The following PDE2A variants were observed in gnomAD, a reference collection of about 807,000 sequenced individuals.
The protein encoded by PDE2A is phosphodiesterase 2A.
PDE2A carries 53 observed loss-of-function variants against 133.6 expected under a neutral mutation model. The observed-to-expected ratio is 0.40, with a 90% confidence interval of 0.32 to 0.50. PDE2A has a LOEUF of 0.50. Ranked by LOEUF, PDE2A falls within the 20% of genes least tolerant of loss-of-function variation. PDE2A has a pLI of 0.73. For synonymous variants in PDE2A, 491 were observed against 490.2 expected, an observed-to-expected ratio of 1.00 and a Z score of -0.02; for missense variants, 796 against 1,232.4, an observed-to-expected ratio of 0.65 and a Z score of 5.30.
At chr11:72,642,523 A>G (rs1222350154) in intron 1 of PDE2A, 197 bp from the exon 2 acceptor site, 4 of 355,456 alleles carry the variant, frequency 1.1e-5, no homozygotes, top group Non-Finnish European at 1.3e-5. Flanking sequence ...GGCCCCGCCT[A>G]TGTCCCCGCC....
chr11:72,587,299 C>T (rs777542186), intron 13 of PDE2A, among the ~76,000 whole-genome samples: 22 of 152,222 alleles, frequency 1.4e-4, no homozygotes, highest in Admixed American at 2.0e-4. Flanking sequence ...CCCCATCCCA[C>T]TCACAGCTGA....
chr11:72,582,328 C>A (rs372150329), intron 21 of PDE2A, 116 bp downstream of exon 21: 4 of 1,067,044 alleles, frequency 3.7e-6, no homozygotes, highest in Non-Finnish European at 5.5e-6. Flanking sequence ...CTGAGGGACC[C>A]TCCACAGCCT....
chr11:72,635,654 A>G (rs912910483), intron 2 of PDE2A, among the ~76,000 whole-genome samples: 1 of 152,230 alleles, frequency 6.6e-6, no homozygotes, highest in Admixed American at 6.5e-5. Flanking sequence ...GCTAGAGCTC[A>G]TATATCGCTT....
In PDE2A at chr11:72,588,933, T is replaced by A; in HGVS notation, c.940-19A>T. 1 of 1,592,240 alleles carries A rather than the reference T, an allele frequency of 6.3e-7. No individual in the cohort carries two copies. The highest frequency in any genetic ancestry group is 1.7e-4 in the Middle Eastern group (1 of 5,778). ...CATCCTCCTGCAAAGGCGAGGCAAG[T>A]CAGGGCAGGGAAGCAGGGCGCAGTA... is the stretch of plus-strand genomic sequence containing the variant. On this transcript the variant is annotated intron_variant, in intron 12 of 30. Coordinates refer to ENST00000334456, the MANE Select transcript of PDE2A (RefSeq NM_002599.5).
Position 72,586,171 on chromosome 11 carries a change from C to T in PDE2A, c.1081G>A (p.Glu361Lys), listed in dbSNP as rs201256182. 260 of 1,607,104 alleles carry T rather than the reference C, an allele frequency of 1.6e-4. 1 individual carries two copies. Among genetic ancestry groups the T allele is most frequent in the Non-Finnish European group, 1.6e-4 (185 of 1,175,096 alleles). The stretch of plus-strand genomic sequence containing the variant: ...CAGTGCTGGATCACATGCTCGTCCT[C>T]GTCGGTGAACCTGGAGGAGGGGGTG... ...NKLEGDLFTD[E>K]DEHVIQHCFH... The change falls in exon 14 of 31, where the codon GAG (glutamate) becomes AAG (lysine). Residue 361 changes from glutamate (E) to lysine (K), a missense_variant. Physicochemically the swap from Glu to Lys is moderately conservative, Grantham distance 56. Around this residue, in one of 7 missense-constraint regions of PDE2A, gnomAD observed 417 missense variants for 475.3 expected, o/e 0.88. Transcript: ENST00000334456.
At chr11:72,614,766 G>A (rs920367166) in intron 2 of PDE2A, among the ~76,000 whole-genome samples, 1 of 152,148 alleles carries the variant, frequency 6.6e-6, no homozygotes, top group Non-Finnish European at 1.5e-5. Flanking sequence ...GGAGGGGAGG[G>A]GCCTTGCTCA....
In PDE2A at chr11:72,579,538, C is replaced by T. The variant is rs1296353241; in HGVS notation, c.2252G>A (p.Arg751Gln). ...HGCNIFDHFS[R>Q]KDYQRMLDLM... is the part of the protein sequence containing the mutation. The stretch of plus-strand genomic sequence containing the variant: ...CCCCACCCCCAACCCCATCACCTTC[C>T]GGGAGAAATGATCAAAGATGTTGCA... Residue 751 changes from arginine (R) to glutamine (Q), a missense_variant, in exon 26 of 31, where the codon CGG becomes CAG. Physicochemically the swap from Arg to Gln is conservative, Grantham distance 43. This residue lies in a region of PDE2A where 218 missense variants were observed against 465.9 expected (regional missense o/e 0.47). Coordinates refer to ENST00000334456, the MANE Select transcript of PDE2A (RefSeq NM_002599.5). 1 of 1,603,178 alleles carries T rather than the reference C, an allele frequency of 6.2e-7. No homozygotes were observed. Among genetic ancestry groups the T allele is most frequent in the Non-Finnish European group, 8.5e-7 (1 of 1,172,062 alleles).
intron 4 of PDE2A, among the ~76,000 whole-genome samples, chr11:72,599,620 C>A (rs572440073): frequency 1.1e-4 from 17 of 152,314 alleles, no homozygotes; most frequent in African/African-American, 4.1e-4. Context: ...AGCAGCCTCT[C>A]CCCAAGCCTC....
rs181234650 is a variant in PDE2A at position 72,611,554 on chromosome 11, C to A, written c.145-2803G>T. Among the ~76,000 whole-genome samples, 372 of 152,252 alleles carry A rather than the reference C, an allele frequency of 2.4e-3. 1 individual carries two copies. The highest frequency in any genetic ancestry group is 4.4e-3 in the Non-Finnish European group (302 of 68,024). On this transcript the variant is annotated intron_variant, in intron 2 of 30. Transcript: ENST00000334456. Reference sequence around the variant, plus strand: ...GTTCAGTTTTCTGTGACTTTTCAGGCCAAGTGCAGGATAGTAGCAATAAGG... The same window carrying A: ...GTTCAGTTTTCTGTGACTTTTCAGGACAAGTGCAGGATAGTAGCAATAAGG...
Position 72,590,078 on chromosome 11 carries a change from GGA to G in PDE2A, c.757-99_757-98del. On this transcript the variant is annotated intron_variant, in intron 9 of 30. Transcript: ENST00000334456. The surrounding 1 kb of genome is among the most constrained non-coding windows in gnomAD (Gnocchi z 4.8). The stretch of plus-strand genomic sequence containing the variant: ...CTCCGGGGCTCTTCAGGCGGGTGGA[GGA>G]GAGAGGAAGGAAGGACATCGTAATT... 2 of 1,407,562 alleles carry G rather than the reference GGA, an allele frequency of 1.4e-6. No individual in the cohort carries two copies. Among genetic ancestry groups the G allele is most frequent in the Non-Finnish European group, 2.0e-6 (2 of 1,021,730 alleles). The allele number at this position is 1,407,562 out of a possible 1,614,324, so 87.2% of individuals were successfully genotyped here. A position where few individuals can be genotyped will look rare whatever the true frequency, so the allele number is the denominator to read the frequency against.
intron 1 of PDE2A, among the ~76,000 whole-genome samples, chr11:72,655,839 C>A (rs1162893649): frequency 6.6e-6 from 1 of 152,220 alleles, no homozygotes; most frequent in Non-Finnish European, 1.5e-5. Flanking sequence ...GGAGGGATTT[C>A]TGACACTCCA....
chr11:72,578,875 T>A lies in PDE2A; in HGVS notation c.2469+22A>T. The A allele has an allele frequency of 6.7e-7, 1 of 1,496,958 alleles. No homozygotes were observed. Among genetic ancestry groups the A allele is most frequent in the East Asian group, 2.3e-5 (1 of 44,304 alleles). 92.7% of individuals were successfully genotyped at this position (1,496,958 alleles called of 1,614,324 possible). A position where few individuals can be genotyped will look rare whatever the true frequency, so the allele number is the denominator to read the frequency against. On this transcript the variant is annotated intron_variant, in intron 28 of 30. Transcript: ENST00000334456. This position sits in a 1 kb window ranked among gnomAD's most constrained non-coding sequence, Gnocchi z 4.2. The stretch of plus-strand genomic sequence containing the variant: ...TGGGCAGGGTGGGCAGCCTGTGCCT[T>A]CCCAGGGAGGACTACACCTACCGCG...
intron 1 of PDE2A, among the ~76,000 whole-genome samples, chr11:72,659,968 G>C (rs903578688): frequency 6.6e-6 from 1 of 152,296 alleles, no homozygotes; most frequent in East Asian, 1.9e-4. Context: ...AGGGTCAGCA[G>C]TTCCCTGGCA....
intron 3 of PDE2A, 79 bp downstream of exon 3, chr11:72,608,583 C>A: frequency 1.3e-6 from 1 of 754,018 alleles, no homozygotes; most frequent in Non-Finnish European, 2.3e-6. Context: ...CCTCCTTGGC[C>A]CTGAGTGAGG....
chr11:72,646,109 C>T (rs1269556907), intron 1 of PDE2A, among the ~76,000 whole-genome samples: 1 of 152,192 alleles, frequency 6.6e-6, no homozygotes, highest in Non-Finnish European at 1.5e-5. Context: ...CACCAGGAAG[C>T]CCAGTCCCAG....
chr11:72,626,725 C>G (rs1443738366), intron 2 of PDE2A, among the ~76,000 whole-genome samples: 1 of 152,206 alleles, frequency 6.6e-6, no homozygotes, highest in Non-Finnish European at 1.5e-5. Context: ...TCCAACCTGG[C>G]TCCCGCCCCT....
chr11:72,655,097 A>C (rs1366690364), intron 1 of PDE2A, among the ~76,000 whole-genome samples: 6 of 152,270 alleles, frequency 3.9e-5, no homozygotes, highest in Admixed American at 3.3e-4. Flanking sequence ...AGGCAGGAGC[A>C]GGGGAAGGGA....
intron 1 of PDE2A, among the ~76,000 whole-genome samples, chr11:72,651,786 G>A (rs142732462): frequency 8.5e-5 from 13 of 152,290 alleles, no homozygotes; most frequent in African/African-American, 3.1e-4. Flanking sequence ...CCCTTTCCTG[G>A]CTGCCCAAGT....
chr11:72,651,008 C>T (rs1280619269), intron 1 of PDE2A, among the ~76,000 whole-genome samples: 2 of 152,122 alleles, frequency 1.3e-5, no homozygotes, highest in Non-Finnish European at 2.9e-5. Flanking sequence ...AGGCCCCATA[C>T]TCTGAACACT....
Sources: gnomAD v4.1 joint callset for allele counts (sites outside exome capture counted in the v4.1 genomes callset) on GRCh38, gnomAD v4.1.1 for gene constraint, gnomAD v4.1.1 regional missense constraint, Gnocchi (gnomAD v3.1) non-coding constraint, MANE v1.5 for transcripts, NCBI Gene and HGNC (gene_info 2026-07-23, HGNC 2026-07-21) for gene names.